The following RBFOX3 variants were observed in gnomAD, a reference collection of about 807,000 sequenced individuals.
The protein encoded by RBFOX3 is RNA binding fox-1 homolog 3, also known as RNA binding protein fox-1 homolog 3.
A neutral mutation model predicts 48.7 loss-of-function variants in RBFOX3; 17 were observed. That is an observed-to-expected ratio of 0.35 (90% CI 0.24 to 0.52). The LOEUF is 0.52. RBFOX3 is among the 20% of genes least tolerant of loss of function. The pLI, the probability that RBFOX3 is intolerant of heterozygous loss-of-function variation, is 0.94. For synonymous variants in RBFOX3, 212 were observed against 209.5 expected (o/e 1.01, Z -0.10); for missense variants, 382 against 497.5 (o/e 0.77, Z 2.21).
At chr17:79,097,663 T>TACCAACCCCC in intron 10 of RBFOX3, 29 bp downstream of exon 10, 1 of 1,384,074 alleles carries the variant, frequency 7.2e-7, no homozygotes, top group Non-Finnish European at 9.8e-7. Context: ...GCTGGTCTCA[T>TACCAACCCCC]CCCATCCCCG....
intron 2 of RBFOX3, among the ~76,000 whole-genome samples, chr17:79,384,112 G>C (rs527376806): frequency 4.6e-5 from 7 of 152,336 alleles, no homozygotes; most frequent in Non-Finnish European, 1.0e-4. Flanking sequence ...CCTACAGCGG[G>C]CTCAGGGCGA....
At chr17:79,592,817 A>ATAGAG (rs2093462314) in intron 1 of RBFOX3, among the ~76,000 whole-genome samples, 3 of 152,172 alleles carry the variant, frequency 2.0e-5, no homozygotes, top group Non-Finnish European at 4.4e-5. Flanking sequence ...GTCCTGGCGC[A>ATAGAG]TCCCAAATGT....
the RBFOX3 span, among the ~76,000 whole-genome samples, chr17:79,647,512 T>A: frequency 6.6e-6 from 1 of 152,172 alleles, no homozygotes; most frequent in Non-Finnish European, 1.5e-5. Context: ...TAATTACGTC[T>A]AAACATAGCT....
rs2055773620 is a variant in RBFOX3, at chr17:79,197,186, TA to T, written c.-34+38579del. Among the ~76,000 whole-genome samples, 6 of 79,748 alleles carry T rather than the reference TA, an allele frequency of 7.5e-5. No homozygotes were observed. In the South Asian group the frequency reaches 3.3e-3, roughly 44 times the overall value. The allele number at this position is 79,748 out of a possible 152,430, so 52.3% of individuals were successfully genotyped here. A position where few individuals can be genotyped will look rare whatever the true frequency, so the allele number is the denominator to read the frequency against. ...CTCCCCAGAAAGCCAGGTGCAGACATAAGAGGCATCCTCACATGCAGCCCTC... is the reference window on the plus strand; with the variant it reads ...CTCCCCAGAAAGCCAGGTGCAGACATAGAGGCATCCTCACATGCAGCCCTC... On this transcript the variant is annotated intron_variant, in intron 4 of 14. Coordinates refer to ENST00000693108, the MANE Select transcript of RBFOX3 (RefSeq NM_001350451.2).
chr17:79,463,656 T>C (rs1362773273), intron 2 of RBFOX3, among the ~76,000 whole-genome samples: 56 of 52,976 alleles, frequency 1.1e-3, no homozygotes, highest in African/African-American at 1.3e-3. Context: ...TCCACCACCA[T>C]CGCCACCGCC....
rs1485689167 is a variant in RBFOX3, at chr17:79,420,125, TCATACACACA to T, written c.-175+62319_-175+62328del. 9.1e-4 allele frequency among the ~76,000 whole-genome samples: 23 copies of T among 25,250 alleles called. No homozygotes were observed. In the Middle Eastern group the frequency reaches 0.1, roughly 110 times the overall value. 16.6% of individuals were successfully genotyped at this position (25,250 alleles called of 152,430 possible). On this transcript the variant is annotated intron_variant, in intron 2 of 14. Transcript: ENST00000693108. ...CTGGGCAACAGAGCAAGACTCCGTC[TCATACACACA>T]CACACACACACACACACACACACAC... is the stretch of plus-strand genomic sequence containing the variant.
At chr17:79,402,208 C>T (rs1724799251) in intron 2 of RBFOX3, among the ~76,000 whole-genome samples, 1 of 152,236 alleles carries the variant, frequency 6.6e-6, no homozygotes, top group Admixed American at 6.5e-5. Flanking sequence ...ATCCACTTGG[C>T]AGCTGCTCAA....
chr17:79,126,171 G>C (rs562456499), intron 4 of RBFOX3, among the ~76,000 whole-genome samples: 1 of 152,362 alleles, frequency 6.6e-6, no homozygotes, highest in South Asian at 2.1e-4. Context: ...CACATTCCCA[G>C]TTTGAATGCG....
At chr17:79,255,142 G>A (rs2064567973) in intron 3 of RBFOX3, among the ~76,000 whole-genome samples, 1 of 152,012 alleles carries the variant, frequency 6.6e-6, no homozygotes, top group Non-Finnish European at 1.5e-5. Context: ...GGCCTACCCA[G>A]GCCACACCCC....
chr17:79,322,519 TGAG>T (rs2078683990), intron 2 of RBFOX3, among the ~76,000 whole-genome samples: 1 of 152,154 alleles, frequency 6.6e-6, no homozygotes, highest in African/African-American at 2.4e-5. Context: ...ATTGCAGAGC[TGAG>T]GACCTGGCTG....
intron 2 of RBFOX3, among the ~76,000 whole-genome samples, chr17:79,399,655 G>T (rs1238829749): frequency 6.6e-6 from 1 of 152,198 alleles, no homozygotes; most frequent in Admixed American, 6.5e-5. Flanking sequence ...TGTGGGAAAA[G>T]TGCTGCTGAA....
At chr17:79,488,716 A>G (rs2080034091) in intron 1 of RBFOX3, among the ~76,000 whole-genome samples, 1 of 152,194 alleles carries the variant, frequency 6.6e-6, no homozygotes, top group African/African-American at 2.4e-5. Flanking sequence ...TAGCAACCCC[A>G]TCCCTGCCCA....
At chr17:79,519,891 C>T (rs2085810545) in intron 1 of RBFOX3, among the ~76,000 whole-genome samples, 1 of 152,196 alleles carries the variant, frequency 6.6e-6, no homozygotes, top group African/African-American at 2.4e-5. Flanking sequence ...TGGCTGGTCC[C>T]CGGGACCCTG....
At chr17:79,495,602 A>C (rs2081378642) in intron 1 of RBFOX3, among the ~76,000 whole-genome samples, 1 of 15,222 alleles carries the variant, frequency 6.6e-5, no homozygotes, top group African/African-American at 2.0e-4. Flanking sequence ...GGAGGGGTAC[A>C]GAGGGTGGGG....
intron 4 of RBFOX3, among the ~76,000 whole-genome samples, chr17:79,174,889 C>A (rs2050197887): frequency 6.6e-6 from 1 of 152,238 alleles, no homozygotes; most frequent in Non-Finnish European, 1.5e-5. Flanking sequence ...CAGGGTACAG[C>A]CACGAATCCC....
intron 2 of RBFOX3, among the ~76,000 whole-genome samples, chr17:79,308,847 G>A (rs2076435799): frequency 6.6e-6 from 1 of 151,814 alleles, no homozygotes; most frequent in African/African-American, 2.4e-5. Flanking sequence ...GACCGGGTGT[G>A]GTGGCTCATG....
intron 2 of RBFOX3, among the ~76,000 whole-genome samples, chr17:79,449,579 T>C (rs1488439169): frequency 2.6e-5 from 4 of 151,520 alleles, no homozygotes; most frequent in Admixed American, 1.3e-4. Context: ...CATTCAATTA[T>C]AGGTGAATAT....
the RBFOX3 span, among the ~76,000 whole-genome samples, chr17:79,619,563 C>T: frequency 6.6e-6 from 1 of 152,198 alleles, no homozygotes; most frequent in Non-Finnish European, 1.5e-5. Flanking sequence ...TCCTGTATGA[C>T]TTCATCTTAT....
chr17:79,665,176 G>T, the RBFOX3 span, among the ~76,000 whole-genome samples: 1 of 152,160 alleles, frequency 6.6e-6, no homozygotes, highest in South Asian at 2.1e-4. Context: ...TCTTCAAATC[G>T]GCAAAGGAGA....
Sources: allele counts gnomAD v4.1 joint callset (sites outside exome capture counted in the v4.1 genomes callset), GRCh38; gene constraint gnomAD v4.1.1; transcripts MANE v1.5; gene names NCBI Gene and HGNC (gene_info 2026-07-23, HGNC 2026-07-21).